PTPRN2: variants seen among roughly 807,000 people sequenced by gnomAD.
PTPRN2 encodes the protein protein tyrosine phosphatase receptor type N2.
Under a neutral mutation model 118.8 loss-of-function variants are expected in PTPRN2, and 74 were observed. That is an observed-to-expected ratio of 0.62 (90% CI 0.52 to 0.76). The LOEUF (loss-of-function observed/expected upper bound fraction) is 0.76. Ranked by LOEUF, PTPRN2 falls within the 30% of genes least tolerant of loss-of-function variation. PTPRN2 has a pLI of 0.00. For synonymous variants in PTPRN2, 641 were observed against 608.0 expected (o/e 1.05, Z -0.80); for missense variants, 1,481 against 1,394.4 (o/e 1.06, Z -0.99).
At chr7:158,522,677 G>A (rs1224135832) in intron 1 of PTPRN2, among the ~76,000 whole-genome samples, 2 of 152,168 alleles carry the variant, frequency 1.3e-5, no homozygotes, top group Non-Finnish European at 1.5e-5. Context: ...TGAAGTGAGG[G>A]CATCAGCATG....
intron 12 of PTPRN2, among the ~76,000 whole-genome samples, chr7:157,884,474 A>G (rs1796344637): frequency 6.6e-6 from 1 of 152,226 alleles, no homozygotes; most frequent in Non-Finnish European, 1.5e-5. Flanking sequence ...CTGAGGGTGC[A>G]TGACAGGCCT....
rs148779914 is a variant in PTPRN2 at position 158,354,139 on chromosome 7, C to T, written c.164-37207G>A. On this transcript the variant is annotated intron_variant, in intron 2 of 22. Transcript: ENST00000389418. ...ATCAGTGACCAGAGCTGAGTTGAAC[C>T]TGGGCTTAAGGCGCCATCTAGTGCC... Among the ~76,000 whole-genome samples, 558 of 152,336 alleles carry T rather than the reference C, an allele frequency of 3.7e-3. 2 individuals carry two copies. Among genetic ancestry groups the T allele is most frequent in the Middle Eastern group, 6.8e-3 (2 of 294 alleles).
chr7:157,548,340 G>A (rs1798427673), intron 22 of PTPRN2, among the ~76,000 whole-genome samples: 1 of 152,166 alleles, frequency 6.6e-6, no homozygotes, highest in Non-Finnish European at 1.5e-5. Flanking sequence ...CACAGAGAGG[G>A]CGAAATGAAA....
chr7:158,133,861 C>A lies in PTPRN2; in HGVS notation c.1372G>T (p.Gly458Trp). 1.2e-6 allele frequency: 2 copies of A among 1,613,912 alleles called. No individual in the cohort carries two copies. The highest frequency in any genetic ancestry group is 1.7e-6 in the Non-Finnish European group (2 of 1,180,032). The change falls in exon 9 of 23, where the codon GGG (glycine) becomes TGG (tryptophan). Residue 458 changes from glycine to tryptophan, a missense_variant. Transcript: ENST00000389418. The stretch of plus-strand genomic sequence containing the variant: ...CCGGGCTCCGAATGCGGCTGCTGCC[C>A]CAGCAGATCTTTGGAATACGTCTGG... ...KSQTYSKDLLGQQPHSEPGAA... is the reference protein window; with the variant it reads ...KSQTYSKDLLWQQPHSEPGAA...
At chr7:157,823,253 C>A (rs1806964809) in intron 12 of PTPRN2, among the ~76,000 whole-genome samples, 1 of 152,120 alleles carries the variant, frequency 6.6e-6, no homozygotes, top group African/African-American at 2.4e-5. Context: ...ACATAAATAC[C>A]TAAAATACTA....
intron 11 of PTPRN2, among the ~76,000 whole-genome samples, chr7:158,075,315 AC>A (rs760529932): frequency 2.0e-5 from 3 of 152,168 alleles, no homozygotes; most frequent in Non-Finnish European, 4.4e-5. Context: ...GGCTGCAGCC[AC>A]AGGGCACCTG....
chr7:157,800,788 T>C (rs536962389), intron 12 of PTPRN2, among the ~76,000 whole-genome samples: 1 of 151,848 alleles, frequency 6.6e-6, no homozygotes, highest in East Asian at 1.9e-4. Context: ...CCGTCTCTAC[T>C]AAAAATACAA....
intron 22 of PTPRN2, among the ~76,000 whole-genome samples, chr7:157,541,285 A>G (rs534820415): frequency 3.9e-4 from 59 of 152,296 alleles, no homozygotes; most frequent in African/African-American, 1.4e-3. Flanking sequence ...CGCTTTTGAA[A>G]TCCACCTGTT....
Position 157,622,971 on chromosome 7 carries a change from C to T in PTPRN2, c.2197-1462G>A, listed in dbSNP as rs373026288. Among the ~76,000 whole-genome samples the T allele has an allele frequency of 4.6e-5, 7 of 152,330 alleles. No individual in the cohort carries two copies. The highest frequency in any genetic ancestry group is 1.4e-4 in the African/African-American group (6 of 41,582). ...CAGGGCTGCTCTGAGCCAAAGCGAA[C>T]GAGTTCATCTACTCCCGTCACCAGC... On this transcript the variant is annotated intron_variant, in intron 14 of 22. Coordinates refer to ENST00000389418, the MANE Select transcript of PTPRN2 (RefSeq NM_002847.5). The surrounding 1 kb of genome is among the most constrained non-coding windows in gnomAD (Gnocchi z 5.3).
chr7:157,621,748 G>A (rs1803265344), intron 14 of PTPRN2, among the ~76,000 whole-genome samples: 1 of 152,048 alleles, frequency 6.6e-6, no homozygotes, highest in African/African-American at 2.4e-5. Context: ...AAACTCCGGT[G>A]TTTGGGAATC....
chr7:158,561,280 T>C (rs1441641867), intron 1 of PTPRN2, among the ~76,000 whole-genome samples: 1 of 152,224 alleles, frequency 6.6e-6, no homozygotes, highest in Non-Finnish European at 1.5e-5. Flanking sequence ...ATTACAATTC[T>C]GTAACACCCG....
chr7:157,628,865 C>G (rs529991053), intron 14 of PTPRN2, among the ~76,000 whole-genome samples: 109 of 152,300 alleles, frequency 7.2e-4, no homozygotes, highest in African/African-American at 2.6e-3. Flanking sequence ...GGAAATACAA[C>G]ATGTCCACTC....
In PTPRN2 at chr7:157,813,451, C is replaced by T. The variant is rs575084677; in HGVS notation, c.1788+85222G>A. Among the ~76,000 whole-genome samples, 33 of 152,248 alleles carry T rather than the reference C, an allele frequency of 2.2e-4. No homozygotes were observed. The highest frequency in any genetic ancestry group is 7.5e-4 in the African/African-American group (31 of 41,516). ...CAGGTCCCCAAAACAGCATGTGCAG[C>T]TCTCGTTAAATGGAAAAGGCCCTAA... is the stretch of plus-strand genomic sequence containing the variant. On this transcript the variant is annotated intron_variant, in intron 12 of 22. Coordinates refer to ENST00000389418, the MANE Select transcript of PTPRN2 (RefSeq NM_002847.5). The surrounding 1 kb of genome is among the most constrained non-coding windows in gnomAD (Gnocchi z 4.7).
intron 12 of PTPRN2, among the ~76,000 whole-genome samples, chr7:157,781,599 G>A (rs1158554929): frequency 3.9e-5 from 6 of 152,168 alleles, no homozygotes; most frequent in African/African-American, 1.4e-4. Flanking sequence ...ATACAAGTTC[G>A]AGTATGAAGC....
At chr7:157,667,210 C>T (rs975169425) in intron 13 of PTPRN2, among the ~76,000 whole-genome samples, 2 of 103,514 alleles carry the variant, frequency 1.9e-5, no homozygotes, top group African/African-American at 3.1e-5. Context: ...CTGGCTTGCA[C>T]GCTCAGCCTG....
chr7:158,453,602 T>TG (rs1330099133), intron 2 of PTPRN2, among the ~76,000 whole-genome samples: 1 of 101,720 alleles, frequency 9.8e-6, no homozygotes, highest in Non-Finnish European at 2.2e-5. Context: ...AGGCTACTGT[T>TG]GCCCCTGGGT....
chr7:157,633,044 C>A lies in PTPRN2; in HGVS notation c.2197-11535G>T, dbSNP rs73163832. On this transcript the variant is annotated intron_variant, in intron 14 of 22. Transcript: ENST00000389418. ...TTCAGTCATCCAGTTTGATTAAGCA[C>A]GTCCTATAAGCCAGGGATGACCTAG... is the stretch of plus-strand genomic sequence containing the variant. 3.0e-3 allele frequency among the ~76,000 whole-genome samples: 459 copies of A among 152,240 alleles called. 3 individuals carry two copies. Among genetic ancestry groups the A allele is most frequent in the Middle Eastern group, 6.8e-3 (2 of 294 alleles).
chr7:158,278,872 G>A (rs1294428283), intron 3 of PTPRN2, among the ~76,000 whole-genome samples: 1 of 152,142 alleles, frequency 6.6e-6, no homozygotes, highest in Non-Finnish European at 1.5e-5. Flanking sequence ...GGCTTCAAGA[G>A]TGAAGCTGAA....
intron 11 of PTPRN2, among the ~76,000 whole-genome samples, chr7:158,064,470 T>C (rs1196238404): frequency 6.6e-6 from 1 of 152,006 alleles, no homozygotes; most frequent in Non-Finnish European, 1.5e-5. Context: ...CGGGGGAGCC[T>C]GGGGAGCCCA....
Sources: gnomAD v4.1 joint callset for allele counts (sites outside exome capture counted in the v4.1 genomes callset) on GRCh38, gnomAD v4.1.1 for gene constraint, Gnocchi (gnomAD v3.1) non-coding constraint, MANE v1.5 for transcripts, NCBI Gene and HGNC (gene_info 2026-07-23, HGNC 2026-07-21) for gene names.